The following SPATA22 variants were observed in gnomAD, a reference collection of about 807,000 sequenced individuals.
The protein encoded by SPATA22 is spermatogenesis associated 22.
SPATA22 carries 29 observed loss-of-function variants against 47.8 expected under a neutral mutation model. The observed-to-expected ratio is 0.61, with a 90% CI of 0.45 to 0.83. The LOEUF is 0.83. Among genes scored for constraint, SPATA22 ranks in the 40% least tolerant of loss-of-function variants. SPATA22 has a pLI of 0.00. For synonymous variants in SPATA22, 133 were observed against 140.9 expected (o/e 0.94, Z 0.40); for missense variants, 410 against 421.7 (o/e 0.97, Z 0.24).
Position 3,449,023 on chromosome 17 carries a change from A to G in SPATA22, c.456T>C (p.Ala152=), listed in dbSNP as rs1240572054. ...GKNSCPVSSG[A]QQQKQLRIPE... is the part of the protein sequence containing the mutation. ...GTATTCTTAATTGTTTTTGTTGTTGAGCTCCCGAACTCACTGGACAAGAAT... is the reference window on the plus strand; with the variant it reads ...GTATTCTTAATTGTTTTTGTTGTTGGGCTCCCGAACTCACTGGACAAGAAT... The change falls in exon 6 of 9, where the codon GCT becomes GCC. Residue 152 remains alanine (A), a synonymous_variant. Coordinates refer to ENST00000572969, the MANE Select transcript of SPATA22 (RefSeq NM_001170698.2). 5 of 1,613,828 alleles carry G rather than the reference A, an allele frequency of 3.1e-6. No individual in the cohort carries two copies. The highest frequency in any genetic ancestry group is 4.2e-6 in the Non-Finnish European group (5 of 1,179,972).
intron 3 of SPATA22, among the ~76,000 whole-genome samples, chr17:3,464,889 G>T (rs1213869777): frequency 4.1e-5 from 3 of 72,658 alleles, no homozygotes; most frequent in East Asian, 2.9e-4. Flanking sequence ...GGAGGGGGGT[G>T]GGGGGGGGTC....
At chr17:3,486,373 C>T (rs1346468299) in intron 1 of SPATA22, among the ~76,000 whole-genome samples, 1 of 152,208 alleles carries the variant, frequency 6.6e-6, no homozygotes, top group Non-Finnish European at 1.5e-5. Context: ...CCGTGTCTTG[C>T]TCATGAGACT....
rs575159181 is a variant in SPATA22 at position 3,490,742 on chromosome 17, A to C, written c.-73-21344T>G. Among the ~76,000 whole-genome samples, 2 of 152,354 alleles carry C rather than the reference A, an allele frequency of 1.3e-5. No individual in the cohort carries two copies. The highest frequency in any genetic ancestry group is 3.9e-4 in the East Asian group (2 of 5,190). On this transcript the variant is annotated intron_variant, in intron 1 of 8. Transcript: ENST00000541913. The surrounding 1 kb of genome is among the most constrained non-coding windows in gnomAD (Gnocchi z 4.6). ...AGTGTGGGACTACAATATATTAAGA[A>C]GTGATACATTCAGATAGAAGGCCAC...
chr17:3,449,294 C>T, intron 5 of SPATA22, 145 bp from the exon 6 acceptor site: 4 of 608,270 alleles, frequency 6.6e-6, no homozygotes, highest in Non-Finnish European at 1.1e-5. Flanking sequence ...AAATACATCA[C>T]AACAACCCTA....
rs886052840 is a variant in SPATA22 at position 3,511,246 on chromosome 17, G to A, written c.-74+2166C>T. The A allele has an allele frequency of 6.6e-6, 1 of 152,124 alleles. No homozygotes were observed. The highest frequency in any genetic ancestry group is 1.5e-5 in the Non-Finnish European group (1 of 68,034). 9.4% of individuals were successfully genotyped at this position (152,124 alleles called of 1,614,324 possible). A position where few individuals can be genotyped will look rare whatever the true frequency, so the allele number is the denominator to read the frequency against. On this transcript the variant is annotated intron_variant, in intron 1 of 8. Coordinates refer to the SPATA22 transcript ENST00000541913. ...TTTCAACTAGTCATAGGGAACATAG[G>A]GGACAATGTTGACTGCCAAATGAGA...
chr17:3,484,106 T>C (rs2073679980), intron 1 of SPATA22, among the ~76,000 whole-genome samples: 2 of 152,246 alleles, frequency 1.3e-5, no homozygotes, highest in South Asian at 4.1e-4. Flanking sequence ...TTGTTCATGT[T>C]CCCTTTGCTG....
intron 1 of SPATA22, chr17:3,500,223 C>A (rs2073973626): frequency 6.6e-6 from 1 of 152,252 alleles, no homozygotes; most frequent in South Asian, 2.1e-4. Context: ...GGAAAGCGAA[C>A]CAGCAAGTTG....
In SPATA22 at chr17:3,469,380, T is replaced by C; in HGVS notation, c.-55A>G. 1.4e-6 allele frequency: 2 copies of C among 1,416,766 alleles called. No individual in the cohort carries two copies. Among genetic ancestry groups the C allele is most frequent in the Non-Finnish European group, 1.9e-6 (2 of 1,038,402 alleles). The allele number at this position is 1,416,766 out of a possible 1,614,324, so 87.8% of individuals were successfully genotyped here. ...TATTCAGCATTCCAAATTTATAATA[T>C]GACATTGTCCCACTAGACCTGCAAA... On this transcript the variant is annotated 5_prime_UTR_variant, in exon 2 of 9. Transcript: ENST00000572969.
rs138777978 is a variant in SPATA22, at chr17:3,449,326, T to C, written c.330-177A>G. Reference sequence around the variant, plus strand: ...CCTACAATGTTGTACTACCTCTCTTTCCAGATGAGAAGACTGATCCCTAAT... The same window carrying C: ...CCTACAATGTTGTACTACCTCTCTTCCCAGATGAGAAGACTGATCCCTAAT... On this transcript the variant is annotated intron_variant, in intron 5 of 8. Coordinates refer to ENST00000572969, the MANE Select transcript of SPATA22 (RefSeq NM_001170698.2). Among the ~76,000 whole-genome samples the C allele has an allele frequency of 2.8e-4, 42 of 152,264 alleles. No homozygotes were observed. The East Asian group carries it at 7.3e-3, about 27-fold the overall frequency.
chr17:3,452,218 AAACT>A (rs1025711503), intron 5 of SPATA22, among the ~76,000 whole-genome samples: 1 of 151,700 alleles, frequency 6.6e-6, no homozygotes, highest in Non-Finnish European at 1.5e-5. Flanking sequence ...AAAGAATAAC[AAACT>A]AAGCCCAAAA....
At chr17:3,452,923 T>A (rs910012014) in intron 5 of SPATA22, among the ~76,000 whole-genome samples, 2 of 152,184 alleles carry the variant, frequency 1.3e-5, no homozygotes, top group African/African-American at 4.8e-5. Flanking sequence ...CAGGACCAGA[T>A]GACTTCACAG....
At chr17:3,489,325 T>C (rs752538129) in intron 1 of SPATA22, 1 of 1,608,470 alleles carries the variant, frequency 6.2e-7, no homozygotes, top group Non-Finnish European at 8.5e-7. Context: ...CTTGATTTTA[T>C]ACATCATTTC....
chr17:3,470,128 C>G (rs980408327), intron 1 of SPATA22, among the ~76,000 whole-genome samples: 2 of 148,252 alleles, frequency 1.3e-5, no homozygotes. Flanking sequence ...CTAAGTCCTC[C>G]CTTCATATCT....
chr17:3,457,100 TG>T (rs1242146557), intron 5 of SPATA22, among the ~76,000 whole-genome samples: 1 of 152,164 alleles, frequency 6.6e-6, no homozygotes, highest in Non-Finnish European at 1.5e-5. Flanking sequence ...TCATACTGAA[TG>T]GGCAAAAACT....
rs2073771963 is a variant in SPATA22, at chr17:3,488,824, T to A, written c.-73-19426A>T. Reference sequence around the variant, plus strand: ...AATCTATAAAAATAGATGTCCTTCCTCCCGTCACAGCTAAATGTTAGATCT... The same window carrying A: ...AATCTATAAAAATAGATGTCCTTCCACCCGTCACAGCTAAATGTTAGATCT... On this transcript the variant is annotated intron_variant, in intron 1 of 8. Coordinates refer to the SPATA22 transcript ENST00000541913. The surrounding 1 kb of genome is among the most constrained non-coding windows in gnomAD (Gnocchi z 6.1). Among the ~76,000 whole-genome samples the A allele has an allele frequency of 6.6e-6, 1 of 152,214 alleles. No individual in the cohort carries two copies. The highest frequency in any genetic ancestry group is 6.5e-5 in the Admixed American group (1 of 15,282).
intron 2 of SPATA22, chr17:3,468,205 C>T (rs978639517): frequency 6.6e-6 from 1 of 152,148 alleles, no homozygotes; most frequent in African/African-American, 2.4e-5. Flanking sequence ...AATACTACTA[C>T]CGATTCCTCC....
rs772611825 is a variant in SPATA22 at position 3,462,588 on chromosome 17, G to A, written c.234-10C>T. ...TGAATGTGGTATTTGCCTTTCAAGG[G>A]AATATGTCTTGTTAAATATTAATAG... On this transcript the variant is annotated splice_polypyrimidine_tract_variant and intron_variant, in intron 4 of 8. Transcript: ENST00000572969. 3 of 1,607,588 alleles carry A rather than the reference G, an allele frequency of 1.9e-6. No homozygotes were observed. The East Asian group carries it at 6.7e-5, about 36-fold the overall frequency.
intron 5 of SPATA22, among the ~76,000 whole-genome samples, chr17:3,460,677 C>T (rs1015547026): frequency 6.6e-6 from 1 of 151,362 alleles, no homozygotes; most frequent in African/African-American, 2.4e-5. Flanking sequence ...TAGTCAGTCC[C>T]GCCTACTCAG....
chr17:3,488,755 A>G lies in SPATA22; in HGVS notation c.-73-19357T>C, dbSNP rs2073770867. On this transcript the variant is annotated intron_variant, in intron 1 of 8. Coordinates refer to the SPATA22 transcript ENST00000541913. This position sits in a 1 kb window ranked among gnomAD's most constrained non-coding sequence, Gnocchi z 6.1. ...TTGCTCAAGGGTCACATAGATTGTC[A>G]TATTGACTGAAATCCATGATTCATC... is the stretch of plus-strand genomic sequence containing the variant. Among the ~76,000 whole-genome samples, 1 of 152,224 alleles carries G rather than the reference A, an allele frequency of 6.6e-6. No homozygotes were observed. Among genetic ancestry groups the G allele is most frequent in the Admixed American group, 6.5e-5 (1 of 15,282 alleles).
Sources: gnomAD v4.1 joint callset for allele counts (sites outside exome capture counted in the v4.1 genomes callset) on GRCh38, gnomAD v4.1.1 for gene constraint, Gnocchi (gnomAD v3.1) non-coding constraint, MANE v1.5 for transcripts, NCBI Gene and HGNC (gene_info 2026-07-23, HGNC 2026-07-21) for gene names.